TTN: variants seen among roughly 807,000 people sequenced by gnomAD.
TTN encodes the protein connectin.
In TTN, 1,525 loss-of-function variants were observed where a neutral mutation model predicts 3,223.0. The observed-to-expected ratio is 0.47, with a 90% confidence interval of 0.45 to 0.49. The LOEUF (loss-of-function observed/expected upper bound fraction) is 0.49. Ranked by LOEUF, TTN falls within the 20% of genes least tolerant of loss-of-function variation. The probability of loss-of-function intolerance (pLI) is 0.00; values close to 1 mark genes in which losing one functional copy is unlikely to be tolerated. For synonymous variants in TTN, 14,094 were observed against 15,161.0 expected (o/e 0.93, Z 5.17); for missense variants, 40,786 against 43,424.0 (o/e 0.94, Z 5.40).
At position 178,611,501 on chromosome 2, in the gene TTN, A is replaced by C. The variant is rs1559779803; in HGVS notation, c.50728T>G (p.Leu16910Val). ...ACACCTTCTTCAACCTTGAATTTCA[A>C]GTCCTTTATTGGGCGAGAATTAACT... The part of the protein sequence containing the change: ...MRVNSRPIKD[L>V]KFKVEEGVVP... Residue 16910 changes from leucine to valine, a missense_variant, in exon 269 of 363, where the codon TTG (leucine) becomes GTG (valine). Coordinates refer to ENST00000589042, the MANE Select transcript of TTN (RefSeq NM_001267550.2). 6.2e-7 allele frequency: 1 copy of C among 1,612,988 alleles called. No individual in the cohort carries two copies. Among genetic ancestry groups the C allele is most frequent in the Middle Eastern group, 1.7e-4 (1 of 6,058 alleles).
intron 152 of TTN, 50 bp from the exon 153 acceptor site, chr2:178,672,753 C>T (rs1355616662): frequency 8.9e-6 from 13 of 1,466,606 alleles, no homozygotes; most frequent in Non-Finnish European, 1.2e-5. Flanking sequence ...CAATAACACA[C>T]ATGAAATAAA....
At position 178,740,728 on chromosome 2, in the gene TTN, G is replaced by A; in HGVS notation, c.12505C>T (p.Pro4169Ser). 6.2e-7 allele frequency: 1 copy of A among 1,613,800 alleles called. No individual in the cohort carries two copies. The highest frequency in any genetic ancestry group is 8.5e-7 in the Non-Finnish European group (1 of 1,179,810). ...ACTGCCTGTGTCTCAGGCTCTTCAG[G>A]CATTAGAATACCTTCTTTGGAGAAG... ...KTFSKEGILM[P>S]EEPETQAVLS... is the part of the protein sequence containing the mutation. Residue 4169 changes from proline to serine, a missense_variant, in exon 48 of 363, where the codon CCT becomes TCT. Coordinates refer to ENST00000589042, the MANE Select transcript of TTN (RefSeq NM_001267550.2).
chr2:178,619,294 C>T, intron 250 of TTN: 2 of 402,844 alleles, frequency 5.0e-6, no homozygotes, highest in East Asian at 5.4e-5. Context: ...CTAAAAGGCA[C>T]ACAGGGGTTT....
rs750101152 is a variant in TTN at position 178,774,315 on chromosome 2, G to T, written c.6949C>A (p.Arg2317Ser). ...KSNGKYTITS[R>S]RGRQNLTVKD... ...ACCGTGAGGTTCTGACGTCCACGAC[G>T]AGATGTAATTGTATATTTGCCATTG... is the stretch of plus-strand genomic sequence containing the variant. The change falls in exon 30 of 363, where the codon CGT becomes AGT. Residue 2317 changes from arginine (R) to serine (S), a missense_variant. Physicochemically the swap from Arg to Ser is moderately radical, Grantham distance 110. Transcript: ENST00000589042. 1 of 1,613,946 alleles carries T rather than the reference G, an allele frequency of 6.2e-7. No homozygotes were observed. Among genetic ancestry groups the T allele is most frequent in the African/African-American group, 1.3e-5 (1 of 74,902 alleles).
intron 223 of TTN, among the ~76,000 whole-genome samples, chr2:178,638,234 G>T (rs2060746008): frequency 6.6e-6 from 1 of 151,388 alleles, no homozygotes; most frequent in Non-Finnish European, 1.5e-5. Flanking sequence ...ACAGTCAAAA[G>T]AATATAGTGT....
At position 178,558,221 on chromosome 2, in the gene TTN, C is replaced by G. The variant is rs775369442; in HGVS notation, c.87133G>C (p.Asp29045His). 3 of 1,606,424 alleles carry G rather than the reference C, an allele frequency of 1.9e-6. No homozygotes were observed. In the South Asian group the frequency reaches 3.4e-5, roughly 18 times the overall value. Residue 29045 changes from aspartate to histidine, a missense_variant, in exon 328 of 363, where the codon GAT becomes CAT. Coordinates refer to ENST00000589042, the MANE Select transcript of TTN (RefSeq NM_001267550.2). ...IKEQLEPPEI[D>H]MKNFPSHTVY... is the part of the protein sequence containing the mutation. Reference sequence around the variant, plus strand: ...GTGTGACTTGGGAAATTCTTCATATCAATTTCAGGTGGTTCTGAAAAATGA... The same window carrying G: ...GTGTGACTTGGGAAATTCTTCATATGAATTTCAGGTGGTTCTGAAAAATGA...
In TTN at chr2:178,610,407, AATT is replaced by A; in HGVS notation, c.51137-21_51137-19del. ...AGGTAGGCCTATTACAAAAATGGAT[AATT>A]ATTCTAGTAATCCTGAAAAATCAGC... is the stretch of plus-strand genomic sequence containing the variant. On this transcript the variant is annotated intron_variant, in intron 270 of 362. Transcript: ENST00000589042. The A allele has an allele frequency of 1.2e-6, 2 of 1,603,664 alleles. No homozygotes were observed. Among genetic ancestry groups the A allele is most frequent in the East Asian group, 2.2e-5 (1 of 44,566 alleles).
chr2:178,606,990 T>G, intron 278 of TTN, 31 bp downstream of exon 278: 1 of 1,584,518 alleles, frequency 6.3e-7, no homozygotes, highest in Non-Finnish European at 8.5e-7. Context: ...AAAACATTAC[T>G]CTATAAACAC....
At position 178,731,201 on chromosome 2, in the gene TTN, G is replaced by T; in HGVS notation, c.17464C>A (p.Pro5822Thr). 3 of 1,612,652 alleles carry T rather than the reference G, an allele frequency of 1.9e-6. No individual in the cohort carries two copies. The highest frequency in any genetic ancestry group is 1.3e-5 in the African/African-American group (1 of 74,896). The change falls in exon 60 of 363, where the codon CCT becomes ACT. Residue 5822 changes from proline (P) to threonine (T), a missense_variant and splice_region_variant. Coordinates refer to ENST00000589042, the MANE Select transcript of TTN (RefSeq NM_001267550.2). ...ACAGCTTCCTCGGTGATTGTTGCAG[G>T]TTCTGTAGAAAACAAAGGGATAGAT... ...RCSALLSVKE[P>T]ATITEEAVSI...
At position 178,703,426 on chromosome 2, in the gene TTN, T is replaced by C. The variant is rs576165552; in HGVS notation, c.30223+721A>G. On this transcript the variant is annotated intron_variant, in intron 106 of 362. Coordinates refer to ENST00000589042, the MANE Select transcript of TTN (RefSeq NM_001267550.2). ...AAATACAACCAGTCACTGATATTCA[T>C]TGTAAGGTAAGTCAGAAAAGTTGAC... Among the ~76,000 whole-genome samples, 6 of 152,328 alleles carry C rather than the reference T, an allele frequency of 3.9e-5. No individual in the cohort carries two copies. In the East Asian group the frequency reaches 5.8e-4, roughly 15 times the overall value.
chr2:178,790,748 G>A lies in TTN; in HGVS notation c.1760C>T (p.Thr587Ile), dbSNP rs895607128. 6.8e-6 allele frequency: 11 copies of A among 1,614,030 alleles called. No homozygotes were observed. The highest frequency in any genetic ancestry group is 8.5e-6 in the Non-Finnish European group (10 of 1,180,008). The change falls in exon 11 of 363, where the codon ACT (threonine) becomes ATT (isoleucine). Residue 587 changes from threonine to isoleucine, a missense_variant. By Grantham distance (89) the Thr-to-Ile change is moderately conservative. Coordinates refer to ENST00000589042, the MANE Select transcript of TTN (RefSeq NM_001267550.2). The part of the protein sequence containing the change: ...LETVPGAQEE[T>I]TTQQDQMHLS... ...GTGCATTTGATCTTGTTGTGTGGTA[G>A]TTTCTTCTTGAGCTCCCGGGACTGT...
chr2:178,692,081 T>A lies in TTN; in HGVS notation c.31697A>T (p.Lys10566Ile). The part of the protein sequence containing the change: ...PAPKVPEVPK[K>I]PVPEEKKPVP... ...TGGCTTTTTCTCCTCTGGCACGGGTTTCTTGGGAACCTCAGGAACTTTAAA... is the reference window on the plus strand; with the variant it reads ...TGGCTTTTTCTCCTCTGGCACGGGTATCTTGGGAACCTCAGGAACTTTAAA... Residue 10566 changes from lysine to isoleucine, a missense_variant, in exon 121 of 363, where the codon AAA becomes ATA. Physicochemically the swap from Lys to Ile is moderately radical, Grantham distance 102 (BLOSUM62 -3). Transcript: ENST00000589042. 6.2e-7 allele frequency: 1 copy of A among 1,612,746 alleles called. No homozygotes were observed. The highest frequency in any genetic ancestry group is 8.5e-7 in the Non-Finnish European group (1 of 1,179,026).
rs1576273213 is a variant in TTN, at chr2:178,600,692, G to A, written c.56050+162C>T. The A allele has an allele frequency of 3.3e-5, 27 of 808,494 alleles. No homozygotes were observed. In the East Asian group the frequency reaches 6.9e-4, roughly 21 times the overall value. The allele number at this position is 808,494 out of a possible 1,614,324, so 50.1% of individuals were successfully genotyped here. A position where few individuals can be genotyped will look rare whatever the true frequency, so the allele number is the denominator to read the frequency against. Reference sequence around the variant, plus strand: ...GGTAAGGGAATGTGAAAATTCTGTGGAAATTGAAGGAATGAGTAATTAAGT... The same window carrying A: ...GGTAAGGGAATGTGAAAATTCTGTGAAAATTGAAGGAATGAGTAATTAAGT... On this transcript the variant is annotated intron_variant, in intron 288 of 362. Transcript: ENST00000589042.
At chr2:178,778,048 T>C in intron 24 of TTN, 73 bp from the exon 25 acceptor site, 2 of 1,538,552 alleles carry the variant, frequency 1.3e-6, no homozygotes, top group Non-Finnish European at 1.8e-6. Flanking sequence ...CATTTTGTCT[T>C]ATTCATTATT....
chr2:178,669,758 A>G (rs914598080), intron 157 of TTN, 83 bp from the exon 158 acceptor site: 62 of 1,358,874 alleles, frequency 4.6e-5, no homozygotes, highest in Non-Finnish European at 6.0e-5. Flanking sequence ...GGCATCTAAC[A>G]AGATGAACGC....
intron 46 of TTN, among the ~76,000 whole-genome samples, chr2:178,755,288 A>C (rs1168931399): frequency 1.3e-5 from 2 of 152,196 alleles, no homozygotes; most frequent in African/African-American, 4.8e-5. Context: ...CAATAACGAC[A>C]AAAATTGTGA....
In TTN at chr2:178,624,394, G is replaced by A. The variant is rs557797650; in HGVS notation, c.44815+71C>T. The A allele has an allele frequency of 5.3e-5, 84 of 1,592,956 alleles. No homozygotes were observed. The Admixed American group carries it at 1.1e-3, about 22-fold the overall frequency. Reference sequence around the variant, plus strand: ...AGGCCAAGAAGGGCATGCAAAAAGTGTTGTGTTGTTTTGTTGTTGTAGTTA... The same window carrying A: ...AGGCCAAGAAGGGCATGCAAAAAGTATTGTGTTGTTTTGTTGTTGTAGTTA... On this transcript the variant is annotated intron_variant, in intron 242 of 362. Transcript: ENST00000589042.
In TTN at chr2:178,551,095, C is replaced by G. The variant is rs1248613242; in HGVS notation, c.91436G>C (p.Cys30479Ser). 2 of 1,613,292 alleles carry G rather than the reference C, an allele frequency of 1.2e-6. No homozygotes were observed. The highest frequency in any genetic ancestry group is 1.7e-6 in the Non-Finnish European group (2 of 1,179,638). ...ACTGAGTCCTGTAACTGTGTACTGA[C>G]ATTCACTGACGTCAGTAAAGTTGCA... Reference protein sequence around the residue: ...VRCNFTDVSECQYTVTGLSPG... With the variant: ...VRCNFTDVSESQYTVTGLSPG... Residue 30479 changes from cysteine (C) to serine (S), a missense_variant, in exon 336 of 363, where the codon TGT (cysteine) becomes TCT (serine). Cys to Ser is a moderately radical substitution (Grantham distance 112). Coordinates refer to ENST00000589042, the MANE Select transcript of TTN (RefSeq NM_001267550.2).
rs565368000 is a variant in TTN at position 178,787,568 on chromosome 2, C to A, written c.2077-1427G>T. Among the ~76,000 whole-genome samples the A allele has an allele frequency of 6.6e-5, 10 of 152,092 alleles. No individual in the cohort carries two copies. The South Asian group carries it at 1.2e-3, about 19-fold the overall frequency. On this transcript the variant is annotated intron_variant, in intron 13 of 362. Coordinates refer to ENST00000589042, the MANE Select transcript of TTN (RefSeq NM_001267550.2). The stretch of plus-strand genomic sequence containing the variant: ...ACATTTCCACTATATCTCATTTGAA[C>A]CTTTTAGCCAGTCTGCTATGAAGTA...
Sources: allele counts gnomAD v4.1 joint callset (sites outside exome capture counted in the v4.1 genomes callset), GRCh38; gene constraint gnomAD v4.1.1; transcripts MANE v1.5; gene names NCBI Gene and HGNC (gene_info 2026-07-23, HGNC 2026-07-21).